The following DCUN1D3 variants were observed in gnomAD, a reference collection of about 807,000 sequenced individuals.
The protein encoded by DCUN1D3 is defective in cullin neddylation 1 domain containing 3.
In DCUN1D3, 6 loss-of-function variants were observed where a neutral mutation model predicts 24.8. The ratio of observed to expected loss-of-function variants is 0.24; its 90% CI spans 0.13 to 0.48. The LOEUF is 0.48. Among genes scored for constraint, DCUN1D3 ranks in the 20% least tolerant of loss-of-function variants. The probability of loss-of-function intolerance (pLI) is 0.99; values close to 1 mark genes in which losing one functional copy is unlikely to be tolerated. For synonymous variants in DCUN1D3, 120 were observed against 144.9 expected (o/e 0.83, Z 1.24); for missense variants, 258 against 379.4 (o/e 0.68, Z 2.66).
In DCUN1D3 at chr16:20,860,683, CCT is replaced by C. The variant is rs2081727775; in HGVS notation, c.432-316_432-315del. 6.6e-6 allele frequency among the ~76,000 whole-genome samples: 1 copy of C among 152,158 alleles called. No homozygotes were observed. The highest frequency in any genetic ancestry group is 6.5e-5 in the Admixed American group (1 of 15,282). ...TAAACTCAAGTCTCCTGCTCCCTGCCCTGTTTCCCGCTCTGCAATAGCGATTA... is the reference window on the plus strand; with the variant it reads ...TAAACTCAAGTCTCCTGCTCCCTGCCGTTTCCCGCTCTGCAATAGCGATTA... On this transcript the variant is annotated intron_variant, in intron 2 of 2. Coordinates refer to ENST00000324344, the MANE Select transcript of DCUN1D3 (RefSeq NM_173475.4). This position sits in a 1 kb window ranked among gnomAD's most constrained non-coding sequence, Gnocchi z 4.3.
At chr16:20,889,291 C>G (rs547363051) in intron 1 of DCUN1D3, among the ~76,000 whole-genome samples, 2 of 150,412 alleles carry the variant, frequency 1.3e-5, no homozygotes, top group Non-Finnish European at 2.9e-5. Flanking sequence ...ACTCGGGAAG[C>G]TGAGGTAGGA....
At chr16:20,897,519 G>A (rs1211730921) in intron 1 of DCUN1D3, among the ~76,000 whole-genome samples, 1 of 152,124 alleles carries the variant, frequency 6.6e-6, no homozygotes, top group Non-Finnish European at 1.5e-5. Flanking sequence ...GACAAGAGTG[G>A]AACTATTGCA....
At chr16:20,872,114 C>G (rs2081791290) in intron 1 of DCUN1D3, among the ~76,000 whole-genome samples, 1 of 152,220 alleles carries the variant, frequency 6.6e-6, no homozygotes, top group African/African-American at 2.4e-5. Context: ...ATCAGCCACC[C>G]TGGAGGTTTA....
Position 20,857,690 on chromosome 16 carries a change from A to C in DCUN1D3, c.*2196T>G, listed in dbSNP as rs117536468. 1,799 of 152,288 alleles carry C rather than the reference A, an allele frequency of 0.012. 19 individuals are homozygous for C. Among genetic ancestry groups the C allele is most frequent in the Non-Finnish European group, 0.019 (1,308 of 68,036 alleles). 9.4% of individuals were successfully genotyped at this position (152,288 alleles called of 1,614,324 possible). A position where few individuals can be genotyped will look rare whatever the true frequency, so the allele number is the denominator to read the frequency against. On this transcript the variant is annotated 3_prime_UTR_variant, in exon 3 of 3. Coordinates refer to ENST00000324344, the MANE Select transcript of DCUN1D3 (RefSeq NM_173475.4). ...TGGGACCCCTGGAGACTTATTCAAG[A>C]GTCTTATTTAGCTAGAACAGAAGCC...
At position 20,877,232 on chromosome 16, in the gene DCUN1D3, C is replaced by T. The variant is rs186258715; in HGVS notation, c.-105-14589G>A. ...ACTACATATATTATTTATCAATTAA[C>T]AAAAAAATGGGACTGAGTTCTGCGA... On this transcript the variant is annotated intron_variant, in intron 1 of 2. Transcript: ENST00000324344. Among the ~76,000 whole-genome samples the T allele has an allele frequency of 5.3e-5, 8 of 150,764 alleles. No individual in the cohort carries two copies. The Middle Eastern group carries it at 0.017, about 325-fold the overall frequency.
rs772180031 is a variant in DCUN1D3, at chr16:20,862,273, T to C, written c.266A>G (p.Gln89Arg). 6.2e-7 allele frequency: 1 copy of C among 1,614,088 alleles called. No homozygotes were observed. The highest frequency in any genetic ancestry group is 1.1e-5 in the South Asian group (1 of 91,084). ...GCGCCTGAACAGTTCTTCCAATCTT[T>C]GCAAGGAAGACTCCTCGGCATTGGA... ...SKSNAEESSL[Q>R]RLEELFRRYK... Residue 89 changes from glutamine to arginine, a missense_variant, in exon 2 of 3, where the codon CAA (glutamine) becomes CGA (arginine). Coordinates refer to ENST00000324344, the MANE Select transcript of DCUN1D3 (RefSeq NM_173475.4).
At chr16:20,867,813 C>A (rs548974484) in intron 1 of DCUN1D3, among the ~76,000 whole-genome samples, 1 of 152,214 alleles carries the variant, frequency 6.6e-6, no homozygotes, top group African/African-American at 2.4e-5. Context: ...TATCCCTGCA[C>A]TGAGTCACTG....
At chr16:20,883,561 C>A (rs972447472) in intron 1 of DCUN1D3, among the ~76,000 whole-genome samples, 2 of 152,124 alleles carry the variant, frequency 1.3e-5, no homozygotes, top group Admixed American at 1.3e-4. Context: ...ATTGAAAATT[C>A]TTTTGCTTAA....
At chr16:20,875,034 TAATGGCCACCAC>T (rs2081806762) in intron 1 of DCUN1D3, among the ~76,000 whole-genome samples, 1 of 152,154 alleles carries the variant, frequency 6.6e-6, no homozygotes. Context: ...TGCTGCCACC[TAATGGCCACCAC>T]AATGCTGTCT....
intron 1 of DCUN1D3, among the ~76,000 whole-genome samples, chr16:20,885,514 A>G (rs1324534444): frequency 6.6e-6 from 1 of 152,124 alleles, no homozygotes; most frequent in East Asian, 1.9e-4. Context: ...AAAGATACAC[A>G]GAAAATGTTT....
At position 20,859,569 on chromosome 16, in the gene DCUN1D3, A is replaced by C. The variant is rs561937136; in HGVS notation, c.*317T>G. ...AAAAAAAAAAAAAAAACAAAAAAAA[A>C]CAAAAAAAAAACCTAAATTTGTGCA... On this transcript the variant is annotated 3_prime_UTR_variant, in exon 3 of 3. Transcript: ENST00000324344. The C allele has an allele frequency of 3.9e-5, 8 of 203,732 alleles. No individual in the cohort carries two copies. In the South Asian group the frequency reaches 5.3e-4, roughly 13 times the overall value. 12.6% of individuals were successfully genotyped at this position (203,732 alleles called of 1,614,324 possible). A position where few individuals can be genotyped will look rare whatever the true frequency, so the allele number is the denominator to read the frequency against.
At chr16:20,893,864 T>G (rs2081903397) in intron 1 of DCUN1D3, among the ~76,000 whole-genome samples, 2 of 152,232 alleles carry the variant, frequency 1.3e-5, no homozygotes, top group Non-Finnish European at 2.9e-5. Flanking sequence ...GGACACATAC[T>G]AATCCACTTT....
At chr16:20,864,268 T>G (rs1027636508) in intron 1 of DCUN1D3, among the ~76,000 whole-genome samples, 1 of 152,218 alleles carries the variant, frequency 6.6e-6, no homozygotes, top group African/African-American at 2.4e-5. Flanking sequence ...ATATCCAGCA[T>G]CTATAAGGAA....
intron 1 of DCUN1D3, among the ~76,000 whole-genome samples, chr16:20,878,312 A>C (rs2081826240): frequency 6.6e-6 from 1 of 152,224 alleles, no homozygotes; most frequent in African/African-American, 2.4e-5. Flanking sequence ...CCTCAAATAC[A>C]GCAAAAGCCA....
chr16:20,893,735 T>C lies in DCUN1D3; in HGVS notation c.-106+6469A>G, dbSNP rs144665758. ...CCCAGCTTGAAATAAACACCAGATA[T>C]GCTAAGATTCTGCAAGGGTCTGACT... is the stretch of plus-strand genomic sequence containing the variant. On this transcript the variant is annotated intron_variant, in intron 1 of 2. Coordinates refer to ENST00000324344, the MANE Select transcript of DCUN1D3 (RefSeq NM_173475.4). Among the ~76,000 whole-genome samples, 113 of 152,292 alleles carry C rather than the reference T, an allele frequency of 7.4e-4. 1 individual carries two copies. In the Middle Eastern group the frequency reaches 0.024, roughly 32 times the overall value.
chr16:20,889,663 T>C lies in DCUN1D3; in HGVS notation c.-106+10541A>G, dbSNP rs543284099. ...ACAAGATACAAAACTGGAGTACTAA[T>C]GGAGTATTAGAAAAATGTATTTGGT... On this transcript the variant is annotated intron_variant, in intron 1 of 2. Coordinates refer to ENST00000324344, the MANE Select transcript of DCUN1D3 (RefSeq NM_173475.4). 3.3e-5 allele frequency among the ~76,000 whole-genome samples: 5 copies of C among 152,332 alleles called. No homozygotes were observed. The East Asian group carries it at 9.6e-4, about 29-fold the overall frequency.
At chr16:20,881,625 A>G (rs990696190) in intron 1 of DCUN1D3, among the ~76,000 whole-genome samples, 2 of 151,570 alleles carry the variant, frequency 1.3e-5, no homozygotes, top group African/African-American at 4.9e-5. Context: ...TCATGATAGC[A>G]TTTACTCTCC....
At chr16:20,875,649 A>G (rs2081811107) in intron 1 of DCUN1D3, among the ~76,000 whole-genome samples, 1 of 152,236 alleles carries the variant, frequency 6.6e-6, no homozygotes. Context: ...GAAGATTTAA[A>G]TATAAGACAT....
chr16:20,865,006 G>A (rs907442790), intron 1 of DCUN1D3, among the ~76,000 whole-genome samples: 44 of 152,182 alleles, frequency 2.9e-4, no homozygotes, highest in African/African-American at 1.0e-3. Flanking sequence ...GAGGGTGGTA[G>A]GAGGGAGAGG....
Sources: allele counts gnomAD v4.1 joint callset (sites outside exome capture counted in the v4.1 genomes callset), GRCh38; gene constraint gnomAD v4.1.1; non-coding constraint Gnocchi (gnomAD v3.1); transcripts MANE v1.5; gene names NCBI Gene and HGNC (gene_info 2026-07-23, HGNC 2026-07-21).